ZNF540: variants seen among roughly 807,000 people sequenced by gnomAD.
The protein encoded by ZNF540 is zinc finger protein 540, also known as CTD-3064H18.6.
Under a neutral mutation model 11.8 loss-of-function variants are expected in ZNF540, and 3 were observed. That is an observed-to-expected ratio of 0.25 (90% CI 0.12 to 0.65). The LOEUF is 0.65. Among genes scored for constraint, ZNF540 ranks in the 30% least tolerant of loss-of-function variants. ZNF540 has a pLI of 0.83. For synonymous variants in ZNF540, 247 were observed against 259.0 expected (o/e 0.95, Z 0.45); for missense variants, 709 against 793.1 (o/e 0.89, Z 1.27).
chr19:37,600,694 G>A (rs2044032505), intron 3 of ZNF540, among the ~76,000 whole-genome samples: 1 of 152,100 alleles, frequency 6.6e-6, no homozygotes, highest in African/African-American at 2.4e-5. Flanking sequence ...AGTAGAATTT[G>A]GACCCACATA....
chr19:37,593,544 A>C (rs2043928878), upstream of ZNF540, among the ~76,000 whole-genome samples: 1 of 152,078 alleles, frequency 6.6e-6, no homozygotes, highest in Non-Finnish European at 1.5e-5. Context: ...TCTACTAAAA[A>C]CACAAAAAAT....
chr19:37,564,202 T>C (rs2042769160), intron 1 of ZNF540: 1 of 155,394 alleles, frequency 6.4e-6, no homozygotes, highest in Admixed American at 6.5e-5. Context: ...TTGAGTTCTC[T>C]AACAGTATGT....
rs747978636 is a variant in ZNF540 at position 37,614,023 on chromosome 19, C to T, written c.*760C>T. Reference sequence around the variant, plus strand: ...GCAAAAGAGGGCCTTCACCAGAACCCAAGCATGCTGGCACCTTGACCTTGG... The same window carrying T: ...GCAAAAGAGGGCCTTCACCAGAACCTAAGCATGCTGGCACCTTGACCTTGG... On this transcript the variant is annotated 3_prime_UTR_variant, in exon 5 of 5. Transcript: ENST00000316433. 1 of 395,746 alleles carries T rather than the reference C, an allele frequency of 2.5e-6. No individual in the cohort carries two copies. Among genetic ancestry groups the T allele is most frequent in the Admixed American group, 4.4e-5 (1 of 22,662 alleles). 24.5% of individuals were successfully genotyped at this position (395,746 alleles called of 1,614,324 possible).
chr19:37,608,137 C>A (rs2044098877), intron 4 of ZNF540, among the ~76,000 whole-genome samples: 1 of 152,012 alleles, frequency 6.6e-6, no homozygotes, highest in Non-Finnish European at 1.5e-5. Context: ...CTTTTCCTTT[C>A]TCTCATTTTC....
chr19:37,588,056 C>T (rs977757332), intron 1 of ZNF540, among the ~76,000 whole-genome samples: 3 of 123,808 alleles, frequency 2.4e-5, no homozygotes, highest in Non-Finnish European at 1.6e-5. Flanking sequence ...CCCAAGATTG[C>T]GCCACTGCAC....
At chr19:37,590,333 C>T (rs61423699), upstream of ZNF540, among the ~76,000 whole-genome samples, 71 of 152,102 alleles carry the variant, frequency 4.7e-4, no homozygotes, top group East Asian at 5.6e-3. Context: ...AGGAGAACGG[C>T]GTGAACCCAG....
chr19:37,573,668 C>CA (rs55763844), intron 1 of ZNF540, among the ~76,000 whole-genome samples: 32,502 of 88,060 alleles, frequency 0.37, 4,998 homozygotes, highest in Middle Eastern at 0.5. Context: ...CTTGTGTCTA[C>CA]AAAAAAAAAA....
intron 1 of ZNF540, chr19:37,583,828 T>C: frequency 1.3e-6 from 1 of 774,522 alleles, no homozygotes; most frequent in Non-Finnish European, 2.1e-6. Flanking sequence ...GGATAAGAGA[T>C]AAAAAGGTAC....
intron 3 of ZNF540, among the ~76,000 whole-genome samples, chr19:37,600,177 T>C (rs551542725): frequency 7.9e-5 from 12 of 152,204 alleles, no homozygotes; most frequent in African/African-American, 2.7e-4. Context: ...ACCAATAACA[T>C]TGATTTAAAA....
intron 1 of ZNF540, among the ~76,000 whole-genome samples, chr19:37,552,888 A>AG (rs1341759835): frequency 6.6e-6 from 1 of 152,046 alleles, no homozygotes; most frequent in Admixed American, 6.6e-5. Context: ...TAGAGGTTGC[A>AG]GTGAGCCAAG....
intron 1 of ZNF540, among the ~76,000 whole-genome samples, chr19:37,578,922 G>C (rs1049330797): frequency 3.0e-4 from 46 of 152,188 alleles, no homozygotes; most frequent in African/African-American, 1.1e-3. Context: ...GCCCTAAACA[G>C]TGAAGTTCGG....
At chr19:37,564,968 G>A (rs1568339204) in intron 1 of ZNF540, 7 of 1,613,798 alleles carry the variant, frequency 4.3e-6, no homozygotes, top group Non-Finnish European at 4.2e-6. Context: ...TGTAAGTTGT[G>A]TAGCACGTAC....
intron 4 of ZNF540, 75 bp downstream of exon 4, chr19:37,601,180 G>A (rs926276853): frequency 8.0e-7 from 1 of 1,250,476 alleles, no homozygotes. Flanking sequence ...AGCATATACA[G>A]GCTTTGCATG....
intron 1 of ZNF540, among the ~76,000 whole-genome samples, chr19:37,577,728 CA>C (rs1157199053): frequency 6.6e-6 from 1 of 152,152 alleles, no homozygotes; most frequent in Non-Finnish European, 1.5e-5. Context: ...TAAATTTACT[CA>C]AATTTTAATC....
chr19:37,584,837 A>G (rs1409987374), intron 1 of ZNF540, among the ~76,000 whole-genome samples: 1 of 151,892 alleles, frequency 6.6e-6, no homozygotes, highest in East Asian at 1.9e-4. Flanking sequence ...GATGGTGGGC[A>G]CCTGTAGTCC....
chr19:37,559,900 C>T (rs910441540), intron 1 of ZNF540, among the ~76,000 whole-genome samples: 1 of 152,200 alleles, frequency 6.6e-6, no homozygotes, highest in Non-Finnish European at 1.5e-5. Flanking sequence ...ATGACACCCA[C>T]ACTTGAGCAC....
At chr19:37,586,163 T>C (rs2043667051) in intron 1 of ZNF540, 2 of 153,068 alleles carry the variant, frequency 1.3e-5, no homozygotes, top group Admixed American at 1.3e-4. Flanking sequence ...CAGGAAACTA[T>C]ATCAGCAACA....
At chr19:37,565,586 C>A (rs1420154819) in intron 1 of ZNF540, 1 of 1,613,454 alleles carries the variant, frequency 6.2e-7, no homozygotes, top group Non-Finnish European at 8.5e-7. Flanking sequence ...ACAATCCTTA[C>A]ATTCATAGGG....
At chr19:37,585,033 G>C (rs1485307763) in intron 1 of ZNF540, 1 of 150,984 alleles carries the variant, frequency 6.6e-6, no homozygotes, top group African/African-American at 2.4e-5. Context: ...TATAATTCTT[G>C]AGAGTATGCA....
Sources: allele counts gnomAD v4.1 joint callset (sites outside exome capture counted in the v4.1 genomes callset), GRCh38; gene constraint gnomAD v4.1.1; transcripts MANE v1.5; gene names NCBI Gene and HGNC (gene_info 2026-07-23, HGNC 2026-07-21).